DST: variants seen among roughly 807,000 people sequenced by gnomAD.
The protein encoded by DST is dystonin.
DST carries 253 observed loss-of-function variants against 875.2 expected under a neutral mutation model. The observed-to-expected ratio is 0.29, with a 90% confidence interval of 0.26 to 0.32. The LOEUF is 0.32. DST is among the 10% of genes least tolerant of loss of function. DST has a pLI of 1.00. For missense variants in DST, 8,287 were observed against 9,111.6 expected, an observed-to-expected ratio of 0.91 and a Z score of 3.68; for synonymous variants, 3,124 against 3,197.1, an observed-to-expected ratio of 0.98 and a Z score of 0.77.
intron 3 of DST, among the ~76,000 whole-genome samples, chr6:56,852,700 C>T (rs1364503101): frequency 1.3e-5 from 2 of 152,210 alleles, no homozygotes; most frequent in African/African-American, 4.8e-5. Context: ...GAAGTCTTGA[C>T]TTTCCTACTG....
At chr6:56,625,010 C>T (rs2098721046) in intron 35 of DST, 147 bp downstream of exon 35, 1 of 679,026 alleles carries the variant, frequency 1.5e-6, no homozygotes, top group Admixed American at 2.2e-5. Flanking sequence ...TTGTGATATA[C>T]TGCAATGTCA....
intron 2 of DST, among the ~76,000 whole-genome samples, chr6:56,934,148 T>C (rs935914587): frequency 1.3e-5 from 2 of 152,142 alleles, no homozygotes; most frequent in Admixed American, 6.6e-5. Context: ...TTTATTTAAT[T>C]AGATGCTACT....
intron 2 of DST, among the ~76,000 whole-genome samples, chr6:56,934,614 G>A (rs945349003): frequency 3.8e-5 from 5 of 133,140 alleles, no homozygotes; most frequent in Non-Finnish European, 8.2e-5. Context: ...AAGGAGGGGA[G>A]AGAGAGAGAG....
At chr6:56,865,654 C>T (rs1254765570) in intron 3 of DST, among the ~76,000 whole-genome samples, 1 of 152,088 alleles carries the variant, frequency 6.6e-6, no homozygotes, top group Non-Finnish European at 1.5e-5. Flanking sequence ...CCATGCTCAG[C>T]CTTGCTTCCC....
chr6:56,492,912 A>C (rs778772017), intron 84 of DST, 22 bp downstream of exon 84: 1 of 1,504,336 alleles, frequency 6.6e-7, no homozygotes, highest in South Asian at 1.4e-5. Flanking sequence ...AGAGAATCCT[A>C]TCTATTTGAC....
intron 4 of DST, among the ~76,000 whole-genome samples, chr6:56,837,763 T>C (rs2099795402): frequency 6.6e-6 from 1 of 152,086 alleles, no homozygotes; most frequent in South Asian, 2.1e-4. Context: ...CTTGGAGTTT[T>C]CCTCCCTGGT....
chr6:56,783,261 C>T (rs1427064125), intron 4 of DST, among the ~76,000 whole-genome samples: 13 of 152,000 alleles, frequency 8.6e-5, no homozygotes, highest in African/African-American at 2.7e-4. Context: ...AGAGCTGAGT[C>T]CAATTCCTGG....
At chr6:56,514,870 G>A (rs1162041620) in intron 72 of DST, among the ~76,000 whole-genome samples, 1 of 152,122 alleles carries the variant, frequency 6.6e-6, no homozygotes, top group African/African-American at 2.4e-5. Flanking sequence ...AGTTGTAAAT[G>A]TGCTCCTCCT....
rs1342374503 is a variant in DST, at chr6:56,509,684, T to C, written c.18970A>G (p.Ile6324Val). 1.2e-6 allele frequency: 2 copies of C among 1,613,754 alleles called. No individual in the cohort carries two copies. The highest frequency in any genetic ancestry group is 1.7e-6 in the Non-Finnish European group (2 of 1,179,718). ...TTATCAGTCCCCCCAGATCTAGCAA[T>C]CATTTCCTCTCCCCTCTGTTTAAGA... Reference protein sequence around the residue: ...ETLKQRGEEMIARSGGTDKDI... With the variant: ...ETLKQRGEEMVARSGGTDKDI... The change falls in exon 74 of 104, where the codon ATT becomes GTT. Residue 6324 changes from isoleucine to valine, a missense_variant. Physicochemically the swap from Ile to Val is conservative, Grantham distance 29 (BLOSUM62 3). Transcript: ENST00000680361.
intron 60 of DST, 119 bp downstream of exon 60, chr6:56,555,226 G>C (rs907446476): frequency 2.7e-6 from 3 of 1,102,960 alleles, no homozygotes; most frequent in Non-Finnish European, 2.6e-6. Flanking sequence ...CCTCTTCACT[G>C]ATGTTAACAG....
chr6:56,729,607 CAAAAAAA>C (rs569525896), intron 5 of DST, among the ~76,000 whole-genome samples: 2 of 63,766 alleles, frequency 3.1e-5, no homozygotes, highest in South Asian at 4.7e-4. Context: ...AACTCCATCT[CAAAAAAA>C]AAAAAAAAAA....
chr6:56,628,983 AT>A (rs2152755200), intron 32 of DST, among the ~76,000 whole-genome samples: 1 of 152,320 alleles, frequency 6.6e-6, no homozygotes, highest in South Asian at 2.1e-4. Flanking sequence ...AGAGAACTAC[AT>A]TGTTTTTTCC....
intron 3 of DST, among the ~76,000 whole-genome samples, chr6:56,897,541 G>A (rs1460267017): frequency 6.6e-6 from 1 of 152,062 alleles, no homozygotes; most frequent in Non-Finnish European, 1.5e-5. Context: ...ATGTTGGCTA[G>A]GCTGGTCTCA....
intron 4 of DST, among the ~76,000 whole-genome samples, chr6:56,801,748 T>TTTA (rs1491432650): frequency 1.2e-5 from 1 of 83,610 alleles, no homozygotes; most frequent in Non-Finnish European, 2.9e-5. Flanking sequence ...CACACAATAA[T>TTTA]TTTTTTTTTT....
intron 99 of DST, among the ~76,000 whole-genome samples, chr6:56,465,329 T>C (rs1394155703): frequency 6.6e-6 from 1 of 152,106 alleles, no homozygotes; most frequent in African/African-American, 2.4e-5. Flanking sequence ...TACAGTGAGC[T>C]CACAGGTAAA....
chr6:56,619,534 AT>A (rs778551689), intron 36 of DST: 2 of 1,613,374 alleles, frequency 1.2e-6, no homozygotes, highest in African/African-American at 2.7e-5. Context: ...AATGCTGAAT[AT>A]TCTTCTCAGC....
At chr6:56,868,603 G>T (rs955294295) in intron 3 of DST, among the ~76,000 whole-genome samples, 1 of 152,084 alleles carries the variant, frequency 6.6e-6, no homozygotes, top group Admixed American at 6.5e-5. Context: ...CATTTTTTTA[G>T]AATGTTGTTA....
intron 36 of DST, chr6:56,616,454 C>T (rs770819559): frequency 1.2e-6 from 2 of 1,614,082 alleles, no homozygotes; most frequent in Admixed American, 1.7e-5. Flanking sequence ...TACAGAAATT[C>T]TATGTGTTTT....
chr6:56,644,764 G>A (rs1377842885), intron 15 of DST, among the ~76,000 whole-genome samples: 2 of 152,188 alleles, frequency 1.3e-5, no homozygotes, highest in East Asian at 1.9e-4. Context: ...TGGCTACTGT[G>A]CAGAGAGCAA....
Sources: allele counts gnomAD v4.1 joint callset (sites outside exome capture counted in the v4.1 genomes callset), GRCh38; gene constraint gnomAD v4.1.1; transcripts MANE v1.5; gene names NCBI Gene and HGNC (gene_info 2026-07-23, HGNC 2026-07-21).